MAP2K1: variants seen among roughly 807,000 people sequenced by gnomAD.
MAP2K1 encodes the protein mitogen-activated protein kinase kinase 1, also known as dual specificity mitogen-activated protein kinase kinase 1.
In MAP2K1, 16 loss-of-function variants were observed where a neutral mutation model predicts 46.3. That is an observed-to-expected ratio of 0.35 (90% CI 0.23 to 0.52). The LOEUF is 0.52. Among genes scored for constraint, MAP2K1 ranks in the 20% least tolerant of loss-of-function variants. The probability of loss-of-function intolerance (pLI) is 0.94; values close to 1 mark genes in which losing one functional copy is unlikely to be tolerated. For synonymous variants in MAP2K1, 183 were observed against 185.6 expected, an observed-to-expected ratio of 0.99 and a Z score of 0.11; for missense variants, 263 against 497.1, an observed-to-expected ratio of 0.53 and a Z score of 4.48.
chr15:66,468,671 ACCTGTAATCCCAACACTTTG>A (rs1892528505), intron 5 of MAP2K1, among the ~76,000 whole-genome samples: 1 of 152,076 alleles, frequency 6.6e-6, no homozygotes, highest in South Asian at 2.1e-4. Flanking sequence ...GGTGGCTCAC[ACCTGTAATCCCAACACTTTG>A]GGAGGCCGAG....
chr15:66,459,019 T>C (rs569777051), intron 5 of MAP2K1, among the ~76,000 whole-genome samples: 1 of 152,242 alleles, frequency 6.6e-6, no homozygotes, highest in South Asian at 2.1e-4. Flanking sequence ...AGAGCCTATA[T>C]GAAAGTGTTT....
intron 1 of MAP2K1, among the ~76,000 whole-genome samples, chr15:66,400,429 T>G (rs1477452337): frequency 6.6e-6 from 1 of 152,210 alleles, no homozygotes; most frequent in Non-Finnish European, 1.5e-5. Context: ...CAGTGGTGAA[T>G]CTTTCTGACA....
intron 8 of MAP2K1, 60 bp downstream of exon 8, chr15:66,487,352 C>G: frequency 6.5e-7 from 1 of 1,529,784 alleles, no homozygotes; most frequent in Non-Finnish European, 9.1e-7. Context: ...AGAAAACACC[C>G]AGGTGGCCGG....
chr15:66,427,738 A>G (rs2093462794), intron 1 of MAP2K1, among the ~76,000 whole-genome samples: 1 of 150,950 alleles, frequency 6.6e-6, no homozygotes, highest in African/African-American at 2.4e-5. Context: ...CTCTCTGGCC[A>G]GGCATGGTGG....
intron 1 of MAP2K1, among the ~76,000 whole-genome samples, chr15:66,429,547 G>A (rs2093468961): frequency 6.6e-6 from 1 of 152,050 alleles, no homozygotes; most frequent in Non-Finnish European, 1.5e-5. Flanking sequence ...ATTTCCTATA[G>A]GTAGTTGAAC....
intron 1 of MAP2K1, among the ~76,000 whole-genome samples, chr15:66,390,895 C>T (rs1381012334): frequency 1.3e-5 from 2 of 152,216 alleles, no homozygotes; most frequent in Non-Finnish European, 2.9e-5. Flanking sequence ...CACTGCAGGC[C>T]TCTGTACATG....
At chr15:66,400,283 CA>C (rs35050919) in intron 1 of MAP2K1, among the ~76,000 whole-genome samples, 8,558 of 152,234 alleles carry the variant, frequency 0.056, 344 homozygotes, top group Middle Eastern at 0.11. Flanking sequence ...CTCAACCTCC[CA>C]AAGTGCTGGG....
At chr15:66,453,329 G>A in intron 5 of MAP2K1, 2 of 592,564 alleles carry the variant, frequency 3.4e-6, no homozygotes, top group Non-Finnish European at 3.0e-6. Flanking sequence ...AGCCAGATGG[G>A]TCTCTGAACA....
At chr15:66,459,090 G>A (rs1436863674) in intron 5 of MAP2K1, among the ~76,000 whole-genome samples, 2 of 151,808 alleles carry the variant, frequency 1.3e-5, no homozygotes, top group African/African-American at 2.4e-5. Context: ...TGAGGAGGGC[G>A]GATCATGAGG....
At chr15:66,401,310 C>CA (rs1005732361) in intron 1 of MAP2K1, among the ~76,000 whole-genome samples, 1 of 151,900 alleles carries the variant, frequency 6.6e-6, no homozygotes, top group African/African-American at 2.4e-5. Context: ...GAATATGTTC[C>CA]AAAAAAAGAT....
At chr15:66,433,248 G>A (rs572938703) in intron 1 of MAP2K1, among the ~76,000 whole-genome samples, 33 of 152,302 alleles carry the variant, frequency 2.2e-4, no homozygotes, top group African/African-American at 7.5e-4. Flanking sequence ...AGACATAGCC[G>A]AACCTTGGAT....
At chr15:66,488,980 G>C in intron 8 of MAP2K1, 1 of 597,256 alleles carries the variant, frequency 1.7e-6, no homozygotes, top group Non-Finnish European at 3.0e-6. Context: ...GACTTGACTT[G>C]GTCCCAATTC....
At chr15:66,428,187 G>T (rs1338986690) in intron 1 of MAP2K1, among the ~76,000 whole-genome samples, 1 of 151,656 alleles carries the variant, frequency 6.6e-6, no homozygotes, top group Admixed American at 6.6e-5. Context: ...CTCAGATCAA[G>T]AACAGGGCAT....
intron 5 of MAP2K1, among the ~76,000 whole-genome samples, chr15:66,455,283 C>T (rs911270424): frequency 1.3e-5 from 2 of 152,158 alleles, no homozygotes; most frequent in Non-Finnish European, 2.9e-5. Flanking sequence ...TAAAAAGTAA[C>T]GTACAAAAAT....
intron 3 of MAP2K1, 33 bp downstream of exon 3, chr15:66,436,925 G>A (rs535697992): frequency 6.2e-7 from 1 of 1,612,816 alleles, no homozygotes; most frequent in African/African-American, 1.3e-5. Flanking sequence ...CTGGAGCAAT[G>A]GCCTTAAGAG....
In MAP2K1 at chr15:66,445,352, G is replaced by A. The variant is rs117227289; in HGVS notation, c.568+645G>A. Among the ~76,000 whole-genome samples the A allele has an allele frequency of 9.9e-3, 1,504 of 152,168 alleles. 55 individuals are homozygous for A. The highest frequency in any genetic ancestry group is 0.061 in the Admixed American group (938 of 15,288). On this transcript the variant is annotated intron_variant, in intron 5 of 10. Transcript: ENST00000307102. ...GGCTGTGGTGAGCCGAGATTGCACT[G>A]CTGCACTCCAGCCTGGGTGGCACAG... is the stretch of plus-strand genomic sequence containing the variant.
chr15:66,408,895 C>T (rs977563186), intron 1 of MAP2K1, among the ~76,000 whole-genome samples: 7 of 152,214 alleles, frequency 4.6e-5, no homozygotes, highest in Admixed American at 2.0e-4. Context: ...CCGGAGCACT[C>T]TGTACATATT....
At chr15:66,483,748 CT>C (rs750947705) in intron 6 of MAP2K1, among the ~76,000 whole-genome samples, 62 of 131,084 alleles carry the variant, frequency 4.7e-4, no homozygotes, top group African/African-American at 5.6e-4. Context: ...CATACATTTT[CT>C]TTTTTTTTTT....
In MAP2K1 at chr15:66,463,536, G is replaced by A. The variant is rs1892384569; in HGVS notation, c.569-18219G>A. 2.0e-5 allele frequency among the ~76,000 whole-genome samples: 3 copies of A among 152,176 alleles called. 1 individual carries two copies. The highest frequency in any genetic ancestry group is 1.3e-4 in the Admixed American group (2 of 15,282). On this transcript the variant is annotated intron_variant, in intron 5 of 10. Coordinates refer to ENST00000307102, the MANE Select transcript of MAP2K1 (RefSeq NM_002755.4). ...CACCTCTTGTTGCCCAAGCTGGAGT[G>A]CAATGGTGCGATCTCGGCTCACTTC... is the stretch of plus-strand genomic sequence containing the variant.
Sources: gnomAD v4.1 joint callset for allele counts (sites outside exome capture counted in the v4.1 genomes callset) on GRCh38, gnomAD v4.1.1 for gene constraint, MANE v1.5 for transcripts, NCBI Gene and HGNC (gene_info 2026-07-23, HGNC 2026-07-21) for gene names.